The following DSE variants were observed in gnomAD, a reference collection of about 807,000 sequenced individuals.
DSE encodes the protein dermatan-sulfate epimerase.
DSE carries 36 observed loss-of-function variants against 84.4 expected under a neutral mutation model. That is an observed-to-expected ratio of 0.43 (90% CI 0.33 to 0.56). DSE has a LOEUF of 0.56. Among genes scored for constraint, DSE ranks in the 20% least tolerant of loss-of-function variants. DSE has a pLI of 0.06. For synonymous variants in DSE, 410 were observed against 430.1 expected, an observed-to-expected ratio of 0.95 and a Z score of 0.58; for missense variants, 862 against 1,169.6, an observed-to-expected ratio of 0.74 and a Z score of 3.84.
intron 2 of DSE, among the ~76,000 whole-genome samples, chr6:116,422,751 C>T (rs1225654601): frequency 1.3e-5 from 2 of 152,184 alleles, no homozygotes; most frequent in Admixed American, 6.5e-5. Flanking sequence ...CAGTTTAGTG[C>T]CCCTGCTTGG....
At chr6:116,388,698 ATC>A in intron 1 of DSE, among the ~76,000 whole-genome samples, 1 of 152,282 alleles carries the variant, frequency 6.6e-6, no homozygotes, top group East Asian at 1.9e-4. Flanking sequence ...AATTTTTTTC[ATC>A]TGTTGCATTT....
chr6:116,343,750 C>T (rs1777768999), intron 2 of DSE, among the ~76,000 whole-genome samples: 1 of 152,190 alleles, frequency 6.6e-6, no homozygotes, highest in East Asian at 1.9e-4. Flanking sequence ...TGCAGTTCCT[C>T]GCCAGCAACA....
intron 2 of DSE, among the ~76,000 whole-genome samples, chr6:116,356,586 C>A (rs1439679429): frequency 6.6e-6 from 1 of 152,102 alleles, no homozygotes; most frequent in Non-Finnish European, 1.5e-5. Flanking sequence ...AGCTCAGGAA[C>A]TTTGAGTCAT....
In DSE at chr6:116,435,693, G is replaced by A. The variant is rs767730463; in HGVS notation, c.1225G>A (p.Glu409Lys). ...VVTYGSALPA[E>K]INRSFLSFKS... ...GACTTATGGAAGTGCACTACCTGCA[G>A]AAATCAATAGATCTTTCCTTTCCTT... The change falls in exon 6 of 6, where the codon GAA (glutamate) becomes AAA (lysine). Residue 409 changes from glutamate (E) to lysine (K), a missense_variant. Glu to Lys is a moderately conservative substitution (Grantham distance 56, BLOSUM62 1). Coordinates refer to ENST00000644252, the MANE Select transcript of DSE (RefSeq NM_013352.4). The A allele has an allele frequency of 3.7e-6, 6 of 1,614,046 alleles. No individual in the cohort carries two copies. The highest frequency in any genetic ancestry group is 4.2e-6 in the Non-Finnish European group (5 of 1,180,006).
At chr6:116,278,036 C>A (rs965109193) in intron 2 of DSE, 1 of 162,992 alleles carries the variant, frequency 6.1e-6, no homozygotes, top group Non-Finnish European at 1.3e-5. Flanking sequence ...TACCATAAAT[C>A]ACACAGAACA....
At position 116,279,155 on chromosome 6, in the gene DSE, C is replaced by T. The variant is rs145582638; in HGVS notation, c.-54+20188C>T. 4 of 1,613,728 alleles carry T rather than the reference C, an allele frequency of 2.5e-6. No homozygotes were observed. In the African/African-American group the frequency reaches 5.3e-5, roughly 22 times the overall value. ...GCCTCCAGAGGGTCCATGCGGAGAG[C>T]CTCATGCAAAGGCCAGGGCCCTTCT... On this transcript the variant is annotated intron_variant, in intron 2 of 3. Transcript: ENST00000430252.
intron 2 of DSE, among the ~76,000 whole-genome samples, chr6:116,282,492 A>T (rs1205629993): frequency 6.6e-6 from 1 of 152,194 alleles, no homozygotes; most frequent in Non-Finnish European, 1.5e-5. Context: ...TCTAATTAGG[A>T]TCATGTAAGT....
At chr6:116,270,048 A>T (rs922870421) in intron 2 of DSE, among the ~76,000 whole-genome samples, 1 of 152,166 alleles carries the variant, frequency 6.6e-6, no homozygotes, top group Non-Finnish European at 1.5e-5. Flanking sequence ...AGCTAAATAC[A>T]AATAAATAGA....
chr6:116,280,242 A>C (rs73767713), intron 2 of DSE: 128 of 285,314 alleles, frequency 4.5e-4, no homozygotes, highest in African/African-American at 2.7e-3. Context: ...TCTGGTCTTC[A>C]CTTTTTTGAG....
chr6:116,278,225 T>C (rs955991682), intron 2 of DSE: 3 of 400,206 alleles, frequency 7.5e-6, no homozygotes, highest in South Asian at 6.6e-5. Context: ...GCAGTGCAGA[T>C]AAAGGCAGTA....
At chr6:116,329,130 ATTAC>A (rs1046431790) in intron 2 of DSE, among the ~76,000 whole-genome samples, 4 of 152,216 alleles carry the variant, frequency 2.6e-5, no homozygotes, top group African/African-American at 7.2e-5. Context: ...CGTTTTTATT[ATTAC>A]TTATTATTTA....
intron 2 of DSE, among the ~76,000 whole-genome samples, chr6:116,268,808 A>G (rs1350297916): frequency 6.6e-6 from 1 of 152,170 alleles, no homozygotes; most frequent in African/African-American, 2.4e-5. Context: ...GTCTGCCCTC[A>G]AAGTTCAAGT....
chr6:116,340,831 T>C (rs1777546657), intron 2 of DSE, among the ~76,000 whole-genome samples: 1 of 152,214 alleles, frequency 6.6e-6, no homozygotes, highest in South Asian at 2.1e-4. Flanking sequence ...TCCTTTTTTA[T>C]GGCTGCATAG....
At position 116,399,357 on chromosome 6, in the gene DSE, C is replaced by T; in HGVS notation, c.107C>T (p.Thr36Ile). 1 of 1,614,140 alleles carries T rather than the reference C, an allele frequency of 6.2e-7. No homozygotes were observed. The highest frequency in any genetic ancestry group is 1.3e-5 in the African/African-American group (1 of 75,066). ...DENPEVMIPF[T>I]NANYDSHPML... Reference sequence around the variant, plus strand: ...AACCCAGAAGTTATGATTCCCTTCACCAATGCCAACTACGACAGCCATCCC... The same window carrying T: ...AACCCAGAAGTTATGATTCCCTTCATCAATGCCAACTACGACAGCCATCCC... Residue 36 changes from threonine to isoleucine, a missense_variant, in exon 2 of 6, where the codon ACC (threonine) becomes ATC (isoleucine). By Grantham distance (89) the Thr-to-Ile change is moderately conservative. Around this residue, in one of 4 missense-constraint regions of DSE, gnomAD observed 52 missense variants for 49.6 expected, o/e 1.05. Coordinates refer to ENST00000644252, the MANE Select transcript of DSE (RefSeq NM_013352.4).
rs115785635 is a variant in DSE at position 116,276,588 on chromosome 6, C to A, written c.-54+17621C>A. On this transcript the variant is annotated intron_variant, in intron 2 of 3. Transcript: ENST00000430252. The stretch of plus-strand genomic sequence containing the variant: ...ATTTAAGGACTTTAATGATTTTAAT[C>A]CATTAAGAACTTTAATGATTTTAAT... 549 of 152,022 alleles carry A rather than the reference C, an allele frequency of 3.6e-3. 5 individuals carry two copies. Among genetic ancestry groups the A allele is most frequent in the African/African-American group, 0.013 (527 of 41,414 alleles). The allele number at this position is 152,022 out of a possible 1,614,324, so 9.4% of individuals were successfully genotyped here. A position where few individuals can be genotyped will look rare whatever the true frequency, so the allele number is the denominator to read the frequency against.
chr6:116,299,055 TG>T (rs1420202360), intron 2 of DSE, among the ~76,000 whole-genome samples: 1 of 152,206 alleles, frequency 6.6e-6, no homozygotes, highest in Non-Finnish European at 1.5e-5. Flanking sequence ...AAGTTGAACA[TG>T]AAAACAATTT....
Position 116,308,041 on chromosome 6 carries a change from C to T in DSE, c.-54+49074C>T, listed in dbSNP as rs551688877. Among the ~76,000 whole-genome samples, 8 of 152,302 alleles carry T rather than the reference C, an allele frequency of 5.3e-5. No homozygotes were observed. In the South Asian group the frequency reaches 1.7e-3, roughly 32 times the overall value. On this transcript the variant is annotated intron_variant, in intron 2 of 3. Transcript: ENST00000430252. Reference sequence around the variant, plus strand: ...ATTCAGTGACAATTTATGGTAACTGCAGAGTATACCATCACCATCCTGTGT... The same window carrying T: ...ATTCAGTGACAATTTATGGTAACTGTAGAGTATACCATCACCATCCTGTGT...
intron 2 of DSE, chr6:116,278,223 G>GATAA (rs1773258722): frequency 2.5e-6 from 1 of 398,572 alleles, no homozygotes; most frequent in African/African-American, 2.1e-5. Context: ...AAGCAGTGCA[G>GATAA]ATAAAGGCAG....
chr6:116,368,620 T>C (rs1011630280), upstream of DSE, among the ~76,000 whole-genome samples: 2 of 152,228 alleles, frequency 1.3e-5, no homozygotes, highest in Admixed American at 6.5e-5. Flanking sequence ...CTGGGTAATA[T>C]TGCTGCCATG....
Sources: gnomAD v4.1 joint callset for allele counts (sites outside exome capture counted in the v4.1 genomes callset) on GRCh38, gnomAD v4.1.1 for gene constraint, gnomAD v4.1.1 regional missense constraint, MANE v1.5 for transcripts, NCBI Gene and HGNC (gene_info 2026-07-23, HGNC 2026-07-21) for gene names.